The following PRKAR1B variants were observed in gnomAD, a reference collection of about 807,000 sequenced individuals.
PRKAR1B encodes the protein cAMP-dependent protein kinase type I-beta regulatory subunit.
Under a neutral mutation model 46.5 loss-of-function variants are expected in PRKAR1B, and 22 were observed. The observed-to-expected ratio is 0.47, with a 90% CI of 0.34 to 0.68. The LOEUF is 0.68. Among genes scored for constraint, PRKAR1B ranks in the 30% least tolerant of loss-of-function variants. PRKAR1B has a pLI of 0.01. For synonymous variants in PRKAR1B, 259 were observed against 217.7 expected, an observed-to-expected ratio of 1.19 and a Z score of -1.67; for missense variants, 445 against 535.6, an observed-to-expected ratio of 0.83 and a Z score of 1.67.
intron 2 of PRKAR1B, among the ~76,000 whole-genome samples, chr7:682,202 T>C (rs1424819519): frequency 6.6e-6 from 1 of 152,120 alleles, no homozygotes; most frequent in African/African-American, 2.4e-5. Context: ...ACTCCTTTCC[T>C]AGAGTGCTGT....
intron 4 of PRKAR1B, among the ~76,000 whole-genome samples, chr7:660,905 A>G (rs1583375270): frequency 1.1e-5 from 1 of 87,516 alleles, no homozygotes; most frequent in Non-Finnish European, 2.3e-5. Context: ...CCAAATACCT[A>G]CTCTCCCCCC....
Position 602,838 on chromosome 7 carries a change from G to A in PRKAR1B, c.549+3355C>T, listed in dbSNP as rs1432913176. Among the ~76,000 whole-genome samples the A allele has an allele frequency of 6.6e-6, 1 of 152,152 alleles. No individual in the cohort carries two copies. Among genetic ancestry groups the A allele is most frequent in the East Asian group, 1.9e-4 (1 of 5,188 alleles). On this transcript the variant is annotated intron_variant, in intron 6 of 10. Transcript: ENST00000537384. The surrounding 1 kb of genome is among the most constrained non-coding windows in gnomAD (Gnocchi z 6.4). ...CTCTGTTCGTTTTTCTGAGTAATATGGAAATGGCACGGCTCAGCCACACAA... is the reference window on the plus strand; with the variant it reads ...CTCTGTTCGTTTTTCTGAGTAATATAGAAATGGCACGGCTCAGCCACACAA...
chr7:715,958 G>T (rs6971385), intron 1 of PRKAR1B, among the ~76,000 whole-genome samples: 5 of 151,936 alleles, frequency 3.3e-5, no homozygotes, highest in Non-Finnish European at 7.4e-5. Flanking sequence ...CTCGTGATCC[G>T]CCCGCCTTGG....
At chr7:606,889 T>C (rs892515412) in intron 5 of PRKAR1B, among the ~76,000 whole-genome samples, 5 of 152,176 alleles carry the variant, frequency 3.3e-5, no homozygotes, top group African/African-American at 4.8e-5. Context: ...CACACACATA[T>C]GTATATATGT....
At chr7:625,073 G>A (rs866835684) in intron 4 of PRKAR1B, among the ~76,000 whole-genome samples, 4 of 152,224 alleles carry the variant, frequency 2.6e-5, no homozygotes, top group South Asian at 2.1e-4. Flanking sequence ...CTCTCACACC[G>A]GAAGTGAATT....
intron 4 of PRKAR1B, among the ~76,000 whole-genome samples, chr7:640,867 T>C (rs1407416083): frequency 6.7e-6 from 1 of 148,550 alleles, no homozygotes. Context: ...AGACAGACAA[T>C]ACCAAATGCC....
chr7:622,470 T>A (rs945737011), intron 4 of PRKAR1B, among the ~76,000 whole-genome samples: 4 of 152,234 alleles, frequency 2.6e-5, no homozygotes, highest in Non-Finnish European at 5.9e-5. Flanking sequence ...TGGGAGAACA[T>A]GAATGTGCTA....
At chr7:672,867 C>CA (rs2128502865) in intron 4 of PRKAR1B, among the ~76,000 whole-genome samples, 1 of 150,856 alleles carries the variant, frequency 6.6e-6, no homozygotes, top group African/African-American at 2.4e-5. Flanking sequence ...AACTCCATCT[C>CA]AAAAAAAGAA....
intron 4 of PRKAR1B, among the ~76,000 whole-genome samples, chr7:674,007 TC>T (rs1271502719): frequency 6.6e-6 from 1 of 152,090 alleles, no homozygotes; most frequent in East Asian, 1.9e-4. Context: ...TCCTCCTGCC[TC>T]CCCTTAGAAG....
chr7:685,117 C>T (rs1778930006), intron 2 of PRKAR1B, among the ~76,000 whole-genome samples: 1 of 149,906 alleles, frequency 6.7e-6, no homozygotes, highest in Non-Finnish European at 1.5e-5. Flanking sequence ...TCATGTTACA[C>T]ATATAACATA....
At chr7:598,371 C>T (rs1190585248) in intron 6 of PRKAR1B, among the ~76,000 whole-genome samples, 2 of 146,644 alleles carry the variant, frequency 1.4e-5, no homozygotes, top group Admixed American at 6.8e-5. Flanking sequence ...CTCCCTCCAG[C>T]ACCCTCCACA....
At chr7:726,569 G>C in intron 1 of PRKAR1B, 3 of 514,830 alleles carry the variant, frequency 5.8e-6, no homozygotes, top group East Asian at 7.4e-5. Context: ...GGGACAGCGG[G>C]CGAGCACGAC....
At chr7:639,816 C>G (rs1281582954) in intron 4 of PRKAR1B, among the ~76,000 whole-genome samples, 1 of 151,392 alleles carries the variant, frequency 6.6e-6, no homozygotes, top group Non-Finnish European at 1.5e-5. Flanking sequence ...ATCATCGCGC[C>G]ACTGCACTCC....
intron 2 of PRKAR1B, among the ~76,000 whole-genome samples, chr7:684,197 C>G (rs890321264): frequency 1.3e-5 from 2 of 152,220 alleles, no homozygotes; most frequent in African/African-American, 4.8e-5. Context: ...TCCACGTGCA[C>G]CAATGCCCAC....
At chr7:685,185 A>G (rs1189782113) in intron 2 of PRKAR1B, among the ~76,000 whole-genome samples, 2 of 148,334 alleles carry the variant, frequency 1.3e-5, no homozygotes, top group African/African-American at 5.0e-5. Context: ...AAAGACAGAG[A>G]AAAACCATGT....
At chr7:726,557 G>A (rs552616486) in intron 1 of PRKAR1B, 1 of 477,674 alleles carries the variant, frequency 2.1e-6, no homozygotes, top group Non-Finnish European at 3.3e-6. Context: ...CGGCGACAGA[G>A]GGGGACAGCG....
chr7:633,949 G>C (rs1783900667), intron 4 of PRKAR1B, among the ~76,000 whole-genome samples: 1 of 152,192 alleles, frequency 6.6e-6, no homozygotes, highest in African/African-American at 2.4e-5. Flanking sequence ...CACTTTGGGA[G>C]ACTGAGGCAG....
intron 9 of PRKAR1B, among the ~76,000 whole-genome samples, chr7:568,124 A>G (rs533015580): frequency 4.7e-4 from 71 of 152,348 alleles, no homozygotes; most frequent in Non-Finnish European, 9.1e-4. Flanking sequence ...CTATGGCCTC[A>G]GCTCATACTG....
At chr7:710,006 T>A (rs1466997650) in intron 2 of PRKAR1B, among the ~76,000 whole-genome samples, 1 of 152,232 alleles carries the variant, frequency 6.6e-6, no homozygotes. Context: ...AGAGCGTTTT[T>A]ATCTCTTCTT....
Sources: gnomAD v4.1 joint callset for allele counts (sites outside exome capture counted in the v4.1 genomes callset) on GRCh38, gnomAD v4.1.1 for gene constraint, Gnocchi (gnomAD v3.1) non-coding constraint, MANE v1.5 for transcripts, NCBI Gene and HGNC (gene_info 2026-07-23, HGNC 2026-07-21) for gene names.